SORCS2: variants seen among roughly 807,000 people sequenced by gnomAD.
The protein encoded by SORCS2 is VPS10 domain-containing receptor SorCS2.
A neutral mutation model predicts 141.6 loss-of-function variants in SORCS2; 100 were observed. That is an observed-to-expected ratio of 0.71 (90% confidence interval 0.60 to 0.83). The LOEUF (loss-of-function observed/expected upper bound fraction) is 0.83, where lower values mean the gene tolerates loss of function less well. Among genes scored for constraint, SORCS2 ranks in the 40% least tolerant of loss-of-function variants. The pLI is 0.00. For synonymous variants in SORCS2, 789 were observed against 676.9 expected, an observed-to-expected ratio of 1.17 and a Z score of -2.57; for missense variants, 1,646 against 1,560.2, an observed-to-expected ratio of 1.05 and a Z score of -0.93.
At chr4:7,254,832 G>A (rs570800956) in intron 1 of SORCS2, among the ~76,000 whole-genome samples, 99 of 152,220 alleles carry the variant, frequency 6.5e-4, no homozygotes, top group African/African-American at 2.3e-3. Flanking sequence ...TGAGAGCAGA[G>A]TCTCTCACAT....
chr4:7,352,642 C>G (rs1463372674), intron 1 of SORCS2, among the ~76,000 whole-genome samples: 1 of 152,220 alleles, frequency 6.6e-6, no homozygotes, highest in Non-Finnish European at 1.5e-5. Flanking sequence ...GCTCCAGGCT[C>G]TGCGTCACAT....
chr4:7,386,476 CAT>C (rs1663543364), intron 1 of SORCS2, among the ~76,000 whole-genome samples: 1 of 83,942 alleles, frequency 1.2e-5, no homozygotes, highest in African/African-American at 5.7e-5. Context: ...CATGCACACA[CAT>C]ACACATTTGC....
intron 14 of SORCS2, among the ~76,000 whole-genome samples, chr4:7,706,545 G>A (rs547641325): frequency 7.1e-6 from 1 of 141,456 alleles, no homozygotes; most frequent in Admixed American, 7.0e-5. Context: ...GCAGGGATGA[G>A]GCTGGGCTCT....
chr4:7,713,684 G>A (rs886704576), intron 15 of SORCS2, among the ~76,000 whole-genome samples: 5 of 152,178 alleles, frequency 3.3e-5, no homozygotes, highest in Admixed American at 1.3e-4. Context: ...ATCAAGGGTG[G>A]GCGGTGCCTG....
intron 1 of SORCS2, among the ~76,000 whole-genome samples, chr4:7,355,693 G>A (rs778517921): frequency 1.3e-5 from 2 of 152,224 alleles, no homozygotes; most frequent in Non-Finnish European, 1.5e-5. Context: ...GGCCCCCAGA[G>A]CGCATGAAAC....
chr4:7,375,418 C>A (rs1464112022), intron 1 of SORCS2, among the ~76,000 whole-genome samples: 1 of 152,210 alleles, frequency 6.6e-6, no homozygotes, highest in African/African-American at 2.4e-5. Context: ...ATCTCAGTTC[C>A]CTGGGCCTTG....
intron 8 of SORCS2, among the ~76,000 whole-genome samples, chr4:7,670,156 C>G (rs1722714069): frequency 6.6e-6 from 1 of 152,196 alleles, no homozygotes; most frequent in Non-Finnish European, 1.5e-5. Flanking sequence ...TGGAATAGAT[C>G]AGCTTCAACA....
intron 3 of SORCS2, among the ~76,000 whole-genome samples, chr4:7,551,742 C>T (rs1418279571): frequency 6.6e-6 from 1 of 152,218 alleles, no homozygotes; most frequent in African/African-American, 2.4e-5. Flanking sequence ...GCATCGAACT[C>T]CAGGCAGCAC....
intron 3 of SORCS2, among the ~76,000 whole-genome samples, chr4:7,543,020 A>G (rs1712803340): frequency 6.6e-6 from 1 of 152,196 alleles, no homozygotes; most frequent in Admixed American, 6.5e-5. Flanking sequence ...AGTGGCCTAC[A>G]TGGACAAGGA....
chr4:7,255,085 A>G (rs1713763445), intron 1 of SORCS2, among the ~76,000 whole-genome samples: 1 of 152,050 alleles, frequency 6.6e-6, no homozygotes, highest in Admixed American at 6.5e-5. Flanking sequence ...GACAGAGTCC[A>G]GAAGGCAGGA....
At position 7,201,165 on chromosome 4, in the gene SORCS2, A is replaced by T. The variant is rs1445862305; in HGVS notation, c.480+8039A>T. On this transcript the variant is annotated intron_variant, in intron 1 of 26. Transcript: ENST00000507866. This position sits in a 1 kb window ranked among gnomAD's most constrained non-coding sequence, Gnocchi z 4.4. ...GAAGATGGAGCTGCTCTGCAGGATG[A>T]GTAGAGTCCCGGGCTGAGGAGGAGG... is the stretch of plus-strand genomic sequence containing the variant. 1.3e-5 allele frequency among the ~76,000 whole-genome samples: 2 copies of T among 152,190 alleles called. No individual in the cohort carries two copies. Among genetic ancestry groups the T allele is most frequent in the African/African-American group, 4.8e-5 (2 of 41,448 alleles).
chr4:7,451,707 G>T (rs922272999), intron 2 of SORCS2, among the ~76,000 whole-genome samples: 3 of 152,166 alleles, frequency 2.0e-5, no homozygotes, highest in Non-Finnish European at 4.4e-5. Context: ...CTGGGGTGGT[G>T]GGGGGGCTAT....
intron 2 of SORCS2, among the ~76,000 whole-genome samples, chr4:7,512,013 G>A (rs1428522298): frequency 1.3e-5 from 2 of 152,228 alleles, no homozygotes; most frequent in Non-Finnish European, 2.9e-5. Context: ...GGACACCGCA[G>A]GTCTGTTCCT....
At chr4:7,621,121 G>C (rs1044491251) in intron 3 of SORCS2, among the ~76,000 whole-genome samples, 5 of 152,178 alleles carry the variant, frequency 3.3e-5, no homozygotes, top group African/African-American at 1.2e-4. Context: ...CCCCTGCTGG[G>C]GGTAGGTCAT....
intron 1 of SORCS2, among the ~76,000 whole-genome samples, chr4:7,321,958 C>G (rs1411927918): frequency 6.6e-6 from 1 of 152,162 alleles, no homozygotes; most frequent in African/African-American, 2.4e-5. Context: ...GCATTTAGCC[C>G]GGGTGGCTGT....
At chr4:7,319,556 AAAAAC>A in intron 1 of SORCS2, among the ~76,000 whole-genome samples, 1 of 152,062 alleles carries the variant, frequency 6.6e-6, no homozygotes, top group Non-Finnish European at 1.5e-5. Flanking sequence ...AAAAAAGACA[AAAAAC>A]AAAAAACTTA....
chr4:7,681,553 G>T (rs937083787), intron 9 of SORCS2, among the ~76,000 whole-genome samples: 8 of 152,240 alleles, frequency 5.3e-5, no homozygotes, highest in African/African-American at 1.7e-4. Flanking sequence ...ACACTTAACT[G>T]TAGCCGCATG....
Position 7,237,485 on chromosome 4 carries a change from C to T in SORCS2, c.480+44359C>T, listed in dbSNP as rs185524348. Among the ~76,000 whole-genome samples, 9 of 152,200 alleles carry T rather than the reference C, an allele frequency of 5.9e-5. No homozygotes were observed. The East Asian group carries it at 1.7e-3, about 29-fold the overall frequency. On this transcript the variant is annotated intron_variant, in intron 1 of 26. Coordinates refer to ENST00000507866, the MANE Select transcript of SORCS2 (RefSeq NM_020777.3). ...AATATAGTTGCAGCCAGGGAGTGAA[C>T]CCTGGGCCGCAAGACTAGGCACTGA...
At chr4:7,417,105 C>G (rs1407164326) in intron 2 of SORCS2, among the ~76,000 whole-genome samples, 1 of 152,136 alleles carries the variant, frequency 6.6e-6, no homozygotes, top group Non-Finnish European at 1.5e-5. Flanking sequence ...AGGAAACTGT[C>G]TTTGTTTTCT....
Sources: allele counts gnomAD v4.1 joint callset (sites outside exome capture counted in the v4.1 genomes callset), GRCh38; gene constraint gnomAD v4.1.1; non-coding constraint Gnocchi (gnomAD v3.1); transcripts MANE v1.5; gene names NCBI Gene and HGNC (gene_info 2026-07-23, HGNC 2026-07-21).